The following GRIK3 variants were observed in gnomAD, a reference collection of about 807,000 sequenced individuals.
GRIK3 encodes the protein glutamate receptor ionotropic, kainate 3.
A neutral mutation model predicts 102.5 loss-of-function variants in GRIK3; 29 were observed. The observed-to-expected ratio is 0.28, with a 90% CI of 0.21 to 0.39. The LOEUF is 0.39. GRIK3 is among the 10% of genes least tolerant of loss of function. The probability of loss-of-function intolerance (pLI) is 1.00; values close to 1 mark genes in which losing one functional copy is unlikely to be tolerated. For missense variants in GRIK3, 908 were observed against 1,252.4 expected (o/e 0.73, Z 4.15); for synonymous variants, 511 against 504.9 (o/e 1.01, Z -0.16).
intron 1 of GRIK3, among the ~76,000 whole-genome samples, chr1:37,030,632 C>A (rs1009672271): frequency 4.0e-5 from 6 of 150,768 alleles, no homozygotes; most frequent in Non-Finnish European, 7.4e-5. Context: ...CGCCACCATC[C>A]ACTTGAGCTC....
chr1:36,830,574 C>A (rs1640262437), intron 10 of GRIK3, among the ~76,000 whole-genome samples: 1 of 151,950 alleles, frequency 6.6e-6, no homozygotes, highest in Non-Finnish European at 1.5e-5. Context: ...CTTTGGGAGG[C>A]CAAGGTGGGT....
At chr1:36,853,355 A>G (rs528223718) in intron 8 of GRIK3, among the ~76,000 whole-genome samples, 18 of 152,258 alleles carry the variant, frequency 1.2e-4, no homozygotes, top group South Asian at 2.1e-4. Context: ...GGCATCCCCA[A>G]TGACCCTTAC....
intron 1 of GRIK3, among the ~76,000 whole-genome samples, chr1:36,979,679 A>G (rs1053775877): frequency 6.6e-6 from 1 of 152,256 alleles, no homozygotes; most frequent in African/African-American, 2.4e-5. Flanking sequence ...CTCAACTAAG[A>G]AACACAGAAA....
chr1:37,008,853 A>G (rs774322586), intron 1 of GRIK3, among the ~76,000 whole-genome samples: 1 of 152,240 alleles, frequency 6.6e-6, no homozygotes, highest in Non-Finnish European at 1.5e-5. Context: ...GAGAGAATTA[A>G]GTCATTATCA....
intron 1 of GRIK3, among the ~76,000 whole-genome samples, chr1:36,975,274 C>T (rs1642183062): frequency 7.2e-6 from 1 of 138,916 alleles, no homozygotes; most frequent in East Asian, 2.0e-4. Context: ...AATCAATGAG[C>T]TTATCTAAAG....
rs1456470749 is a variant in GRIK3, at chr1:36,858,386, A to G, written c.1104+722T>C. ...GTTCAGGCCTTAATTTTCCCCATCC[A>G]TAAAATGGGGACAATAAGCCCTGCC... is the stretch of plus-strand genomic sequence containing the variant. On this transcript the variant is annotated intron_variant, in intron 7 of 15. Coordinates refer to ENST00000373091, the MANE Select transcript of GRIK3 (RefSeq NM_000831.4). Among the ~76,000 whole-genome samples the G allele has an allele frequency of 2.0e-5, 3 of 152,236 alleles. No homozygotes were observed. The East Asian group carries it at 5.8e-4, about 29-fold the overall frequency.
chr1:36,832,544 A>G (rs572303807), intron 10 of GRIK3, among the ~76,000 whole-genome samples: 1 of 152,322 alleles, frequency 6.6e-6, no homozygotes, highest in African/African-American at 2.4e-5. Context: ...TAGCCCATTC[A>G]TAAGTGTCAA....
intron 1 of GRIK3, among the ~76,000 whole-genome samples, chr1:36,969,110 C>T (rs1430211762): frequency 2.6e-5 from 4 of 152,202 alleles, no homozygotes; most frequent in South Asian, 2.1e-4. Context: ...AAACCAAACC[C>T]GCATCCTCCA....
intron 10 of GRIK3, 138 bp from the exon 11 acceptor site, chr1:36,825,964 C>T: frequency 1.6e-6 from 1 of 616,386 alleles, no homozygotes; most frequent in Middle Eastern, 4.1e-4. Flanking sequence ...CTTCTGTTTC[C>T]ACATTTACTA....
chr1:36,810,333 C>T (rs369928840), intron 13 of GRIK3, among the ~76,000 whole-genome samples: 1 of 152,164 alleles, frequency 6.6e-6, no homozygotes, highest in African/African-American at 2.4e-5. Context: ...CTGGTTGGAA[C>T]CTTAATAAAG....
chr1:37,032,410 A>G (rs1449995603), intron 1 of GRIK3, among the ~76,000 whole-genome samples: 1 of 152,036 alleles, frequency 6.6e-6, no homozygotes, highest in African/African-American at 2.4e-5. Flanking sequence ...TTTTTCCCCA[A>G]GGACACCCTA....
chr1:36,879,630 G>A (rs1050212957), intron 3 of GRIK3, among the ~76,000 whole-genome samples: 4 of 152,224 alleles, frequency 2.6e-5, no homozygotes, highest in African/African-American at 9.6e-5. Flanking sequence ...TGAGAGGCAG[G>A]GGGTATCACA....
chr1:36,825,560 C>T (rs1462784583), intron 11 of GRIK3, 43 bp downstream of exon 11: 9 of 1,386,436 alleles, frequency 6.5e-6, no homozygotes, highest in South Asian at 1.4e-5. Flanking sequence ...AACCCCTAGA[C>T]CTTCAACCTT....
intron 10 of GRIK3, among the ~76,000 whole-genome samples, chr1:36,835,883 T>G (rs555406995): frequency 6.6e-6 from 1 of 152,138 alleles, no homozygotes; most frequent in Admixed American, 6.5e-5. Context: ...CTGCAGTGAC[T>G]CTCGATGGGG....
At chr1:36,908,310 T>A (rs1380183738) in intron 1 of GRIK3, among the ~76,000 whole-genome samples, 1 of 152,224 alleles carries the variant, frequency 6.6e-6, no homozygotes, top group East Asian at 1.9e-4. Flanking sequence ...TACTTTAGTG[T>A]TGCTGGAGAT....
intron 1 of GRIK3, among the ~76,000 whole-genome samples, chr1:37,024,517 C>T (rs975103503): frequency 1.4e-4 from 21 of 150,434 alleles, no homozygotes; most frequent in African/African-American, 3.9e-4. Flanking sequence ...GAGGCTGAAG[C>T]GGGCAGATCA....
intron 1 of GRIK3, among the ~76,000 whole-genome samples, chr1:36,982,280 G>C (rs568641072): frequency 4.0e-4 from 61 of 152,322 alleles, no homozygotes; most frequent in Admixed American, 2.9e-3. Context: ...GGCAGCCAAA[G>C]GTGCTGTGGC....
chr1:36,882,251 C>A (rs1300996525), intron 2 of GRIK3, among the ~76,000 whole-genome samples: 1 of 152,200 alleles, frequency 6.6e-6, no homozygotes, highest in African/African-American at 2.4e-5. Context: ...TGAATGAATG[C>A]CGAATCCCTG....
rs1470285969 is a variant in GRIK3, at chr1:36,819,440, C to A, written c.1873+296G>T. Reference sequence around the variant, plus strand: ...AGGGTCAGCCGCAGCCAGCAGGGTGCTCTATGTCCACCTCAGCTGGAGCAG... The same window carrying A: ...AGGGTCAGCCGCAGCCAGCAGGGTGATCTATGTCCACCTCAGCTGGAGCAG... On this transcript the variant is annotated intron_variant, in intron 12 of 15. Transcript: ENST00000373091. This position sits in a 1 kb window ranked among gnomAD's most constrained non-coding sequence, Gnocchi z 4.1. Among the ~76,000 whole-genome samples, 1 of 152,208 alleles carries A rather than the reference C, an allele frequency of 6.6e-6. No homozygotes were observed. The highest frequency in any genetic ancestry group is 1.5e-5 in the Non-Finnish European group (1 of 68,038).
Sources: allele counts gnomAD v4.1 joint callset (sites outside exome capture counted in the v4.1 genomes callset), GRCh38; gene constraint gnomAD v4.1.1; non-coding constraint Gnocchi (gnomAD v3.1); transcripts MANE v1.5; gene names NCBI Gene and HGNC (gene_info 2026-07-23, HGNC 2026-07-21).